The following BCAS1 variants were observed in gnomAD, a reference collection of about 807,000 sequenced individuals.
BCAS1 encodes breast carcinoma-amplified sequence 1.
A neutral mutation model predicts 65.4 loss-of-function variants in BCAS1; 46 were observed. The observed-to-expected ratio is 0.70, with a 90% CI of 0.55 to 0.90. BCAS1 has a LOEUF of 0.90. BCAS1 is among the 40% of genes least tolerant of loss of function. The probability of loss-of-function intolerance (pLI) is 0.00; values close to 1 mark genes in which losing one functional copy is unlikely to be tolerated. For missense variants in BCAS1, 793 were observed against 771.2 expected, an observed-to-expected ratio of 1.03 and a Z score of -0.33; for synonymous variants, 298 against 293.5, an observed-to-expected ratio of 1.02 and a Z score of -0.16.
chr20:53,946,235 C>G (rs1209774958), intron 12 of BCAS1, among the ~76,000 whole-genome samples: 1 of 152,042 alleles, frequency 6.6e-6, no homozygotes, highest in Admixed American at 6.5e-5. Flanking sequence ...TCTGTCCCCC[C>G]TCAGATCTTT....
chr20:53,992,800 T>C (rs1183124376), intron 6 of BCAS1, among the ~76,000 whole-genome samples, 154 bp from the exon 7 acceptor site: 1 of 152,170 alleles, frequency 6.6e-6, no homozygotes. Context: ...TAAATGTTTA[T>C]CTTTTTTAAA....
At chr20:53,989,649 A>G (rs1748795970) in intron 7 of BCAS1, among the ~76,000 whole-genome samples, 1 of 152,116 alleles carries the variant, frequency 6.6e-6, no homozygotes, top group Admixed American at 6.6e-5. Context: ...ATTCCTGCCC[A>G]CCACTCTCCT....
chr20:54,022,408 T>C (rs1231708512), intron 4 of BCAS1, among the ~76,000 whole-genome samples: 1 of 152,212 alleles, frequency 6.6e-6, no homozygotes, highest in Non-Finnish European at 1.5e-5. Flanking sequence ...TCATAATTAC[T>C]CATTTCTAAG....
intron 3 of BCAS1, among the ~76,000 whole-genome samples, chr20:54,040,451 G>T (rs1238949680): frequency 1.3e-5 from 2 of 151,080 alleles, no homozygotes; most frequent in African/African-American, 4.8e-5. Flanking sequence ...ATTGCCAAAG[G>T]GTGACTATTA....
At chr20:54,070,014 C>T (rs939115120) in intron 1 of BCAS1, among the ~76,000 whole-genome samples, 6 of 152,188 alleles carry the variant, frequency 3.9e-5, no homozygotes, top group Non-Finnish European at 5.9e-5. Flanking sequence ...CCTCCCACTT[C>T]TTTAGGCAAT....
chr20:54,032,292 G>A (rs751551896), intron 3 of BCAS1, among the ~76,000 whole-genome samples: 1 of 151,332 alleles, frequency 6.6e-6, no homozygotes, highest in Non-Finnish European at 1.5e-5. Flanking sequence ...AAGGGAATTT[G>A]TGACCATTAG....
Position 53,998,279 on chromosome 20 carries a change from G to C in BCAS1, c.724-2229C>G, listed in dbSNP as rs1258948325. Among the ~76,000 whole-genome samples the C allele has an allele frequency of 7.2e-5, 11 of 152,226 alleles. No individual in the cohort carries two copies. In the East Asian group the frequency reaches 2.1e-3, roughly 29 times the overall value. ...TCATTTTAATGGACGATTGTATTGG[G>C]CCATTTTTTGCGTTGTTATAAAGAC... On this transcript the variant is annotated intron_variant, in intron 4 of 12. Coordinates refer to ENST00000688948, the MANE Select transcript of BCAS1 (RefSeq NM_001366298.2).
At chr20:53,969,674 C>T (rs1352308346) in intron 9 of BCAS1, among the ~76,000 whole-genome samples, 3 of 152,090 alleles carry the variant, frequency 2.0e-5, no homozygotes, top group Admixed American at 2.0e-4. Flanking sequence ...AACTTTGGCT[C>T]TTTGTTCTTG....
At chr20:54,000,929 C>T (rs2091040916) in intron 4 of BCAS1, among the ~76,000 whole-genome samples, 1 of 152,168 alleles carries the variant, frequency 6.6e-6, no homozygotes, top group Non-Finnish European at 1.5e-5. Flanking sequence ...AATTCTAACA[C>T]CTGTGTCAGT....
intron 3 of BCAS1, among the ~76,000 whole-genome samples, chr20:54,030,339 T>C (rs2091771482): frequency 6.6e-6 from 1 of 152,242 alleles, no homozygotes; most frequent in Non-Finnish European, 1.5e-5. Context: ...TACTGCAGGG[T>C]TGTTGTAATG....
intron 4 of BCAS1, among the ~76,000 whole-genome samples, chr20:54,003,359 A>G (rs2091107028): frequency 6.6e-6 from 1 of 152,012 alleles, no homozygotes; most frequent in Non-Finnish European, 1.5e-5. Context: ...ATGCCTTTGT[A>G]CACTGTGCTC....
At chr20:54,018,191 T>G (rs756447281) in intron 4 of BCAS1, among the ~76,000 whole-genome samples, 34 of 152,182 alleles carry the variant, frequency 2.2e-4, no homozygotes, top group Non-Finnish European at 4.1e-4. Context: ...ACTTTCTATC[T>G]CAAAACTCTG....
At chr20:53,965,715 C>T (rs2090008327) in intron 10 of BCAS1, among the ~76,000 whole-genome samples, 1 of 151,904 alleles carries the variant, frequency 6.6e-6, no homozygotes, top group African/African-American at 2.4e-5. Flanking sequence ...CTCACGTCAC[C>T]TTCAGAATTT....
chr20:54,010,236 T>C (rs1271472482), intron 4 of BCAS1, among the ~76,000 whole-genome samples: 1 of 152,140 alleles, frequency 6.6e-6, no homozygotes, highest in East Asian at 1.9e-4. Flanking sequence ...GGAAGTATAT[T>C]AAGGCAAGAA....
At position 54,033,364 on chromosome 20, in the gene BCAS1, G is replaced by GT. The variant is rs36074521; in HGVS notation, c.143-4393dup. 3.8e-3 allele frequency among the ~76,000 whole-genome samples: 553 copies of GT among 145,216 alleles called. 10 individuals carry two copies. Among genetic ancestry groups the GT allele is most frequent in the African/African-American group, 0.01 (410 of 40,082 alleles). On this transcript the variant is annotated intron_variant, in intron 3 of 12. Coordinates refer to ENST00000688948, the MANE Select transcript of BCAS1 (RefSeq NM_001366298.2). ...CAAAAGATCAGTGAATTCAGGAGCT[G>GT]TTTTTTTTTTGAACAAATTAATAAA...
In BCAS1 at chr20:54,058,658, C is replaced by T; in HGVS notation, c.61G>A (p.Glu21Lys). ...VEDQENEPEAETYQDNASALN... is the reference protein window; with the variant it reads ...VEDQENEPEAKTYQDNASALN... The stretch of plus-strand genomic sequence containing the variant: ...GGTTACTACACTACCTGGTAAGTCT[C>T]TGCTTCTGGTTCATTCTCTTGGTCT... The change falls in exon 2 of 13, where the codon GAG becomes AAG. Residue 21 changes from glutamate (E) to lysine (K), a missense_variant. Transcript: ENST00000688948. The T allele has an allele frequency of 6.4e-7, 1 of 1,556,760 alleles. No individual in the cohort carries two copies.
chr20:53,978,862 T>C (rs2090405102), intron 8 of BCAS1, among the ~76,000 whole-genome samples: 2 of 152,220 alleles, frequency 1.3e-5, no homozygotes, highest in Non-Finnish European at 2.9e-5. Flanking sequence ...ACAAATTCAG[T>C]GTTTCAGCTA....
intron 4 of BCAS1, among the ~76,000 whole-genome samples, chr20:54,002,784 C>T (rs915726201): frequency 3.3e-5 from 5 of 152,102 alleles, no homozygotes; most frequent in Non-Finnish European, 5.9e-5. Context: ...CTCTTTCTTT[C>T]CCATAGACTG....
chr20:54,055,845 T>C (rs1020702208), intron 3 of BCAS1, among the ~76,000 whole-genome samples: 7 of 152,004 alleles, frequency 4.6e-5, no homozygotes, highest in African/African-American at 1.7e-4. Context: ...CACAACAGAA[T>C]AGTTATTCAA....
Sources: allele counts gnomAD v4.1 joint callset (sites outside exome capture counted in the v4.1 genomes callset), GRCh38; gene constraint gnomAD v4.1.1; transcripts MANE v1.5; gene names NCBI Gene and HGNC (gene_info 2026-07-23, HGNC 2026-07-21).